Variants in CERKL observed in about 807,000 individuals in gnomAD.
CERKL encodes CERK like autophagy regulator.
Under a neutral mutation model 63.4 loss-of-function variants are expected in CERKL, and 61 were observed. The observed-to-expected ratio is 0.96, with a 90% CI of 0.78 to 1.19. The LOEUF is 1.19. CERKL is among the 50% of genes most tolerant of loss of function. The pLI, the probability that CERKL is intolerant of heterozygous loss-of-function variation, is 0.00. For synonymous variants in CERKL, 250 were observed against 230.5 expected, an observed-to-expected ratio of 1.08 and a Z score of -0.77; for missense variants, 675 against 655.5, an observed-to-expected ratio of 1.03 and a Z score of -0.33.
chr2:181,590,857 G>A (rs1360283774), intron 2 of CERKL, among the ~76,000 whole-genome samples: 1 of 152,130 alleles, frequency 6.6e-6, no homozygotes, highest in Non-Finnish European at 1.5e-5. Flanking sequence ...AAACCCCATG[G>A]AAAGGAATTT....
Position 181,634,476 on chromosome 2 carries a change from G to A in CERKL, c.238+22293C>T, listed in dbSNP as rs1456471956. On this transcript the variant is annotated intron_variant, in intron 1 of 12. Coordinates refer to ENST00000410087, the MANE Select transcript of CERKL (RefSeq NM_201548.5). ...ATCAGTAGCAGCAGTAATGACCAGTGGTCTCATTAAGGTGAAAAAAATTTT... is the reference window on the plus strand; with the variant it reads ...ATCAGTAGCAGCAGTAATGACCAGTAGTCTCATTAAGGTGAAAAAAATTTT... Among the ~76,000 whole-genome samples the A allele has an allele frequency of 3.3e-5, 5 of 151,986 alleles. No homozygotes were observed. In the East Asian group the frequency reaches 7.7e-4, roughly 23 times the overall value.
intron 1 of CERKL, among the ~76,000 whole-genome samples, chr2:181,640,902 A>C (rs1687391519): frequency 1.3e-5 from 2 of 152,224 alleles, no homozygotes; most frequent in Admixed American, 1.3e-4. Context: ...GTTCTGTGCC[A>C]GTTCCAGCCC....
At chr2:181,556,836 T>C (rs552133514) in intron 5 of CERKL, among the ~76,000 whole-genome samples, 9 of 152,330 alleles carry the variant, frequency 5.9e-5, no homozygotes, top group African/African-American at 2.2e-4. Context: ...TCCACAATGG[T>C]TGAACTAGTT....
rs780308862 is a variant in CERKL, at chr2:181,593,867, TAA to T, written c.481+9968_481+9969del. ...ACCCTGCCTTTCCAGAAAACACTAC[TAA>T]AAAAAAAAAAAAAAAGAATGTATTT... On this transcript the variant is annotated intron_variant, in intron 2 of 12. Coordinates refer to ENST00000410087, the MANE Select transcript of CERKL (RefSeq NM_201548.5). Among the ~76,000 whole-genome samples, 270 of 118,096 alleles carry T rather than the reference TAA, an allele frequency of 2.3e-3. 3 individuals carry two copies. The highest frequency in any genetic ancestry group is 0.018 in the East Asian group (74 of 4,112). 77.5% of individuals were successfully genotyped at this position (118,096 alleles called of 152,430 possible). A position where few individuals can be genotyped will look rare whatever the true frequency, so the allele number is the denominator to read the frequency against.
Position 181,652,296 on chromosome 2 carries a change from A to G in CERKL, c.238+4473T>C, listed in dbSNP as rs190774653. 2.0e-5 allele frequency among the ~76,000 whole-genome samples: 3 copies of G among 152,316 alleles called. No homozygotes were observed. The East Asian group carries it at 5.8e-4, about 29-fold the overall frequency. On this transcript the variant is annotated intron_variant, in intron 1 of 12. Coordinates refer to ENST00000410087, the MANE Select transcript of CERKL (RefSeq NM_201548.5). ...CACAGCATGGTACTAGCATAAAACC[A>G]GACAGACCCATGAAATAAAATGGAA...
chr2:181,573,614 G>A, intron 3 of CERKL, 139 bp downstream of exon 3: 3 of 505,718 alleles, frequency 5.9e-6, no homozygotes, highest in Non-Finnish European at 1.0e-5. Flanking sequence ...CCTCGAGCTG[G>A]CTGCAGTAGG....
At chr2:181,559,534 A>G (rs1272428613) in intron 4 of CERKL, among the ~76,000 whole-genome samples, 1 of 152,172 alleles carries the variant, frequency 6.6e-6, no homozygotes, top group Non-Finnish European at 1.5e-5. Flanking sequence ...AGTAGGCTCA[A>G]TCTAAAGGCG....
At chr2:181,645,691 T>C (rs185302350) in intron 1 of CERKL, among the ~76,000 whole-genome samples, 2 of 152,254 alleles carry the variant, frequency 1.3e-5, no homozygotes, top group Non-Finnish European at 2.9e-5. Context: ...TCTTTCACTA[T>C]GCCCTTTTGG....
intron 2 of CERKL, among the ~76,000 whole-genome samples, chr2:181,589,479 C>T (rs760926541): frequency 3.0e-4 from 46 of 152,280 alleles, no homozygotes; most frequent in Middle Eastern, 6.8e-3. Context: ...TGAAGCTTTA[C>T]GCCTATGTTT....
intron 5 of CERKL, among the ~76,000 whole-genome samples, chr2:181,554,969 T>C (rs565349257): frequency 6.6e-6 from 1 of 152,308 alleles, no homozygotes; most frequent in African/African-American, 2.4e-5. Context: ...TTTGGCAGCA[T>C]ACTGTGTCTT....
intron 4 of CERKL, among the ~76,000 whole-genome samples, chr2:181,562,601 G>A (rs945332790): frequency 2.6e-5 from 4 of 152,146 alleles, no homozygotes; most frequent in African/African-American, 9.7e-5. Context: ...AAACCTTAGA[G>A]TAACTAATCC....
intron 1 of CERKL, among the ~76,000 whole-genome samples, chr2:181,627,217 G>A (rs112509720): frequency 0.018 from 2,763 of 152,236 alleles, 45 homozygotes; most frequent in Middle Eastern, 0.031. Flanking sequence ...TAACCGTCAC[G>A]TGGACCTTCA....
intron 1 of CERKL, among the ~76,000 whole-genome samples, chr2:181,650,576 T>C (rs1191299351): frequency 2.6e-5 from 4 of 152,008 alleles, no homozygotes; most frequent in Admixed American, 2.0e-4. Flanking sequence ...CTGACCAACA[T>C]GGAGAAACCC....
At chr2:181,568,609 A>G (rs1185793520) in intron 3 of CERKL, among the ~76,000 whole-genome samples, 1 of 152,124 alleles carries the variant, frequency 6.6e-6, no homozygotes, top group Non-Finnish European at 1.5e-5. Flanking sequence ...AAACGCTTCA[A>G]CATCTAAAAA....
At chr2:181,615,618 C>A (rs12612758) in intron 1 of CERKL, among the ~76,000 whole-genome samples, 21,363 of 152,240 alleles carry the variant, frequency 0.14, 1,683 homozygotes, top group East Asian at 0.22. Context: ...TGATGTCTAA[C>A]AATTTTTTTG....
chr2:181,540,290 A>G (rs1687440986), intron 11 of CERKL, among the ~76,000 whole-genome samples: 1 of 152,220 alleles, frequency 6.6e-6, no homozygotes, highest in Admixed American at 6.5e-5. Context: ...AGCCTTGGCT[A>G]CATGCCTCAT....
intron 1 of CERKL, among the ~76,000 whole-genome samples, chr2:181,619,894 G>A (rs891815902): frequency 2.0e-5 from 3 of 152,106 alleles, no homozygotes; most frequent in Admixed American, 1.3e-4. Flanking sequence ...CTAATTAAAT[G>A]GTGGTTTTAA....
rs184597547 is a variant in CERKL at position 181,637,967 on chromosome 2, T to C, written c.238+18802A>G. On this transcript the variant is annotated intron_variant, in intron 1 of 12. Transcript: ENST00000410087. ...TGGGTTTCAGTAATTATACTTTTGA[T>C]TGGCAGCATTGGTGTTGTTACTCTA... 2.5e-3 allele frequency among the ~76,000 whole-genome samples: 388 copies of C among 152,206 alleles called. 2 individuals are homozygous for C. The highest frequency in any genetic ancestry group is 9.0e-3 in the African/African-American group (374 of 41,532).
intron 1 of CERKL, among the ~76,000 whole-genome samples, chr2:181,630,227 C>G (rs143498440): frequency 2.2e-4 from 34 of 152,082 alleles, no homozygotes; most frequent in East Asian, 1.6e-3. Context: ...CCCTGCCCCC[C>G]CAGAGTCGGG....
Sources: gnomAD v4.1 joint callset for allele counts (sites outside exome capture counted in the v4.1 genomes callset) on GRCh38, gnomAD v4.1.1 for gene constraint, MANE v1.5 for transcripts, NCBI Gene and HGNC (gene_info 2026-07-23, HGNC 2026-07-21) for gene names.